The following PRSS37 variants were observed in gnomAD, a reference collection of about 807,000 sequenced individuals.
PRSS37 encodes serine protease 37, also known as probable inactive serine protease 37.
PRSS37 carries 25 observed loss-of-function variants against 28.0 expected under a neutral mutation model. The observed-to-expected ratio is 0.89, with a 90% CI of 0.65 to 1.25. PRSS37 has a LOEUF of 1.25. Among genes scored for constraint, PRSS37 ranks in the 50% most tolerant of loss-of-function variants. PRSS37 has a pLI of 0.00. For missense variants in PRSS37, 282 were observed against 292.2 expected, an observed-to-expected ratio of 0.97 and a Z score of 0.25; for synonymous variants, 109 against 107.8, an observed-to-expected ratio of 1.01 and a Z score of -0.07.
At chr7:141,840,768 A>T in intron 1 of PRSS37, among the ~76,000 whole-genome samples, 1 of 152,096 alleles carries the variant, frequency 6.6e-6, no homozygotes, top group Admixed American at 6.5e-5. Flanking sequence ...TGTCGGTGGG[A>T]GGACACTCAC....
rs775076033 is a variant in PRSS37, at chr7:141,837,698, G to A, written c.430+162C>T. ...GACACCCTGGGAAAGGAGGAGCTTT[G>A]TTCCTCTGGGCAGGTCTCTGTTTGC... On this transcript the variant is annotated intron_variant, in intron 3 of 4. Coordinates refer to ENST00000350549, the MANE Select transcript of PRSS37 (RefSeq NM_001008270.3). The A allele has an allele frequency of 2.0e-6, 3 of 1,538,436 alleles. No individual in the cohort carries two copies. In the South Asian group the frequency reaches 3.5e-5, roughly 18 times the overall value.
At position 141,836,337 on chromosome 7, in the gene PRSS37, T is replaced by G. The variant is rs572233311; in HGVS notation, c.*58A>C. ...GATTTTATTTTGAATAGAGGGAAAA[T>G]TATCTGCTTGTATAGTCCATGGCAG... is the stretch of plus-strand genomic sequence containing the variant. On this transcript the variant is annotated 3_prime_UTR_variant, in exon 5 of 5. Coordinates refer to ENST00000350549, the MANE Select transcript of PRSS37 (RefSeq NM_001008270.3). 6.5e-7 allele frequency: 1 copy of G among 1,547,760 alleles called. No homozygotes were observed. The highest frequency in any genetic ancestry group is 2.3e-5 in the East Asian group (1 of 43,700).
chr7:141,839,660 AT>A (rs1801094181), intron 1 of PRSS37, among the ~76,000 whole-genome samples, 181 bp from the exon 2 acceptor site: 1 of 152,140 alleles, frequency 6.6e-6, no homozygotes. Context: ...TTTATCTTAT[AT>A]TTATAATAAT....
At chr7:141,837,456 A>T (rs1801000029) in intron 3 of PRSS37, 1 of 1,085,310 alleles carries the variant, frequency 9.2e-7, no homozygotes, top group Non-Finnish European at 1.3e-6. Flanking sequence ...AAGGTAGAGT[A>T]TATTTTTAAT....
At chr7:141,837,286 C>A in intron 3 of PRSS37, 38 bp from the exon 4 acceptor site, 1 of 1,564,134 alleles carries the variant, frequency 6.4e-7, no homozygotes, top group East Asian at 2.3e-5. Flanking sequence ...ATCCTGTTGA[C>A]AGTGGTTATT....
chr7:141,840,388 T>C (rs1307849752), intron 1 of PRSS37, among the ~76,000 whole-genome samples: 1 of 152,196 alleles, frequency 6.6e-6, no homozygotes, highest in Non-Finnish European at 1.5e-5. Flanking sequence ...CACCACACCC[T>C]TCTGTGTGAT....
At position 141,837,886 on chromosome 7, in the gene PRSS37, C is replaced by T. The variant is rs1313819064; in HGVS notation, c.404G>A (p.Gly135Asp). ...VRPGTVCLLS[G>D]LDWSQENSGR... ...ACTGTTTTCTTGGCTCCAGTCCAAA[C>T]CTGAGAGTAGACAGACAGTGCCTGG... Residue 135 changes from glycine to aspartate, a missense_variant, in exon 3 of 5, where the codon GGT (glycine) becomes GAT (aspartate). Transcript: ENST00000350549. The T allele has an allele frequency of 1.2e-6, 2 of 1,613,314 alleles. No homozygotes were observed. The highest frequency in any genetic ancestry group is 8.5e-7 in the Non-Finnish European group (1 of 1,179,546).
intron 4 of PRSS37, among the ~76,000 whole-genome samples, chr7:141,836,778 A>C (rs747572614): frequency 1.3e-5 from 2 of 152,198 alleles, no homozygotes; most frequent in African/African-American, 2.4e-5. Flanking sequence ...AAAATGGGTC[A>C]GACTCCATTT....
Position 141,837,920 on chromosome 7 carries a change from T to A in PRSS37, c.370A>T (p.Asn124Tyr). ...AGACAGACAGTGCCTGGCCTGACAT[T>A]GGTGGTGGCGAGGGTAAGGGGCTGG... ...KVQPLTLATT[N>Y]VRPGTVCLLS... Residue 124 changes from asparagine to tyrosine, a missense_variant, in exon 3 of 5, where the codon AAT (asparagine) becomes TAT (tyrosine). Transcript: ENST00000350549. 2 of 1,614,002 alleles carry A rather than the reference T, an allele frequency of 1.2e-6. No individual in the cohort carries two copies. The highest frequency in any genetic ancestry group is 4.5e-5 in the East Asian group (2 of 44,818).
chr7:141,838,378 G>A (rs1484096238), intron 2 of PRSS37: 1 of 1,323,764 alleles, frequency 7.6e-7, no homozygotes, highest in Non-Finnish European at 9.7e-7. Context: ...TTAATGTAGT[G>A]GAGAGGAAGA....
rs1277975804 is a variant in PRSS37, at chr7:141,841,083, A to C, written c.-34T>G. On this transcript the variant is annotated 5_prime_UTR_variant, in exon 1 of 5. Coordinates refer to ENST00000350549, the MANE Select transcript of PRSS37 (RefSeq NM_001008270.3). ...AGCTCTTCCCCCTGTGAGATGTAGA[A>C]GAAAATCAGCAGAGTGTGGAGCGGT... The C allele has an allele frequency of 1.2e-6, 2 of 1,613,128 alleles. No individual in the cohort carries two copies. The highest frequency in any genetic ancestry group is 1.7e-6 in the Non-Finnish European group (2 of 1,179,250).
Position 141,837,840 on chromosome 7 carries a change from G to A in PRSS37, c.430+20C>T, listed in dbSNP as rs1801012254. 1 of 1,599,464 alleles carries A rather than the reference G, an allele frequency of 6.3e-7. No homozygotes were observed. ...AAAGGACAACTGATGACCCTGATTTGCTGTGGAAGGCACACTTACCACTGT... is the reference window on the plus strand; with the variant it reads ...AAAGGACAACTGATGACCCTGATTTACTGTGGAAGGCACACTTACCACTGT... On this transcript the variant is annotated intron_variant, in intron 3 of 4. Coordinates refer to ENST00000350549, the MANE Select transcript of PRSS37 (RefSeq NM_001008270.3).
chr7:141,838,395 A>T, intron 2 of PRSS37: 1 of 1,283,706 alleles, frequency 7.8e-7, no homozygotes, highest in Non-Finnish European at 9.9e-7. Flanking sequence ...AAGAGGATGC[A>T]TGTCAAGGAA....
In PRSS37 at chr7:141,839,035, T is replaced by A. The variant is rs1172849745; in HGVS notation, c.176+303A>T. On this transcript the variant is annotated intron_variant, in intron 2 of 4. Coordinates refer to ENST00000350549, the MANE Select transcript of PRSS37 (RefSeq NM_001008270.3). ...AGTAAAAAAAAAAAAAGAAAAAAAC[T>A]TATGAGAGTCTGAGGAGGCATAACA... 6 of 545,590 alleles carry A rather than the reference T, an allele frequency of 1.1e-5. No individual in the cohort carries two copies. In the East Asian group the frequency reaches 2.7e-4, roughly 24 times the overall value. 33.8% of individuals were successfully genotyped at this position (545,590 alleles called of 1,614,324 possible).
intron 4 of PRSS37, 137 bp downstream of exon 4, chr7:141,836,975 A>G: frequency 1.1e-6 from 1 of 887,032 alleles, no homozygotes; most frequent in Non-Finnish European, 1.7e-6. Flanking sequence ...TTACTGAAGA[A>G]ACAATGCTGG....
At chr7:141,839,512 A>G in intron 1 of PRSS37, 33 bp from the exon 2 acceptor site, 2 of 1,519,590 alleles carry the variant, frequency 1.3e-6, no homozygotes, top group Non-Finnish European at 1.8e-6. Flanking sequence ...TAATACATAA[A>G]TATTATAAAA....
At chr7:141,837,273 A>G (rs1185868544) in intron 3 of PRSS37, 25 bp from the exon 4 acceptor site, 4 of 1,577,694 alleles carry the variant, frequency 2.5e-6, no homozygotes, top group Non-Finnish European at 3.4e-6. Context: ...GATAAAATAA[A>G]ACATCCTGTT....
rs1192585001 is a variant in PRSS37, at chr7:141,839,356, G to A, written c.158C>T (p.Pro53Leu). Residue 53 changes from proline to leucine, a missense_variant, in exon 2 of 5, where the codon CCA becomes CTA. By Grantham distance (98) the Pro-to-Leu change is moderately conservative (BLOSUM62 -3). Transcript: ENST00000350549. ...VLIKPSWVLA[P>L]AHCYLPNLKV... ...ACTCAACGGTAAATAGCAGTGAGCTGGGGCCAGCACCCAGCTGGGTTTGAT... is the reference window on the plus strand; with the variant it reads ...ACTCAACGGTAAATAGCAGTGAGCTAGGGCCAGCACCCAGCTGGGTTTGAT... 3.1e-6 allele frequency: 5 copies of A among 1,613,756 alleles called. No individual in the cohort carries two copies. The highest frequency in any genetic ancestry group is 4.2e-6 in the Non-Finnish European group (5 of 1,179,822).
Position 141,839,474 on chromosome 7 carries a change from AT to A in PRSS37, c.39del (p.Phe15SerfsTer47). 1.2e-6 allele frequency: 2 copies of A among 1,611,220 alleles called. No individual in the cohort carries two copies. Among genetic ancestry groups the A allele is most frequent in the Non-Finnish European group, 1.7e-6 (2 of 1,177,808 alleles). On this transcript the variant is annotated frameshift_variant, in exon 2 of 5. Coordinates refer to ENST00000350549, the MANE Select transcript of PRSS37 (RefSeq NM_001008270.3). LOFTEE classifies it high-confidence loss of function. ...YVFYLGVLAG[T>X]FFFADSSVQK... ...TGAACAGATGAGTCAGCAAAGAAAAATGTCCCTGAGAAAATAATGAACATTC... is the reference window on the plus strand; with the variant it reads ...TGAACAGATGAGTCAGCAAAGAAAAAGTCCCTGAGAAAATAATGAACATTC...
Sources: gnomAD v4.1 joint callset for allele counts (sites outside exome capture counted in the v4.1 genomes callset) on GRCh38, gnomAD v4.1.1 for gene constraint, MANE v1.5 for transcripts, NCBI Gene and HGNC (gene_info 2026-07-23, HGNC 2026-07-21) for gene names.